NALCN: variants seen among roughly 807,000 people sequenced by gnomAD.
NALCN encodes the protein sodium leak channel, non-selective.
Under a neutral mutation model 225.3 loss-of-function variants are expected in NALCN, and 111 were observed. That is an observed-to-expected ratio of 0.49 (90% CI 0.42 to 0.58). The LOEUF is 0.58. Ranked by LOEUF, NALCN falls within the 20% of genes least tolerant of loss-of-function variation. The pLI is 0.00. For synonymous variants in NALCN, 764 were observed against 769.0 expected, an observed-to-expected ratio of 0.99 and a Z score of 0.11; for missense variants, 1,378 against 2,202.4, an observed-to-expected ratio of 0.63 and a Z score of 7.49.
intron 9 of NALCN, among the ~76,000 whole-genome samples, chr13:101,289,355 G>C (rs1336947249): frequency 2.6e-5 from 4 of 152,046 alleles, no homozygotes; most frequent in African/African-American, 9.7e-5. Context: ...GCTGTGTCTT[G>C]GAGGCATTTG....
intron 13 of NALCN, among the ~76,000 whole-genome samples, chr13:101,197,099 A>G (rs1427914469): frequency 2.0e-5 from 3 of 152,192 alleles, no homozygotes; most frequent in Non-Finnish European, 4.4e-5. Context: ...CTCTGGAACA[A>G]GTGGCTTCTA....
rs190788505 is a variant in NALCN at position 101,337,377 on chromosome 13, C to T, written c.799+7889G>A. ...AGGCTGGAGTTCAGTGGCTCAATCT[C>T]GGCTTACTGTAACCTCTGCCTCCCA... On this transcript the variant is annotated intron_variant, in intron 7 of 43. Coordinates refer to ENST00000251127, the MANE Select transcript of NALCN (RefSeq NM_052867.4). Among the ~76,000 whole-genome samples the T allele has an allele frequency of 2.9e-3, 447 of 151,870 alleles. 2 individuals carry two copies. Among genetic ancestry groups the T allele is most frequent in the African/African-American group, 0.01 (419 of 41,430 alleles).
intron 7 of NALCN, among the ~76,000 whole-genome samples, chr13:101,328,902 C>T (rs1279103968): frequency 6.6e-6 from 1 of 152,178 alleles, no homozygotes; most frequent in Non-Finnish European, 1.5e-5. Flanking sequence ...AGAATACTCA[C>T]TATTGTAGCT....
intron 41 of NALCN, among the ~76,000 whole-genome samples, chr13:101,061,110 T>G (rs1292180896): frequency 1.3e-5 from 2 of 152,230 alleles, no homozygotes; most frequent in African/African-American, 4.8e-5. Context: ...TAAAAGTAAT[T>G]ATCTCATAGA....
intron 15 of NALCN, among the ~76,000 whole-genome samples, chr13:101,149,076 G>A (rs1432882255): frequency 2.6e-5 from 4 of 152,128 alleles, no homozygotes; most frequent in South Asian, 2.1e-4. Context: ...GGCGGATCAC[G>A]AGGTAAGGAG....
At chr13:101,251,843 T>C (rs1015802498) in intron 11 of NALCN, among the ~76,000 whole-genome samples, 1 of 152,190 alleles carries the variant, frequency 6.6e-6, no homozygotes, top group Non-Finnish European at 1.5e-5. Flanking sequence ...AAGCTGTAAC[T>C]TCTCTCAGCG....
intron 27 of NALCN, 46 bp downstream of exon 27, chr13:101,100,738 C>T (rs112169110): frequency 2.6e-6 from 4 of 1,511,100 alleles, no homozygotes; most frequent in Non-Finnish European, 3.6e-6. Context: ...TGCCACCACA[C>T]TTGGCCCTTA....
intron 10 of NALCN, among the ~76,000 whole-genome samples, chr13:101,274,261 T>G (rs518452): frequency 1.3e-5 from 2 of 151,860 alleles, no homozygotes; most frequent in African/African-American, 2.4e-5. Flanking sequence ...AGCAAAACAA[T>G]CAAGCTCAAT....
intron 26 of NALCN, 58 bp downstream of exon 26, chr13:101,103,114 T>C (rs764702447): frequency 6.5e-5 from 101 of 1,561,696 alleles, no homozygotes; most frequent in Non-Finnish European, 8.0e-5. Flanking sequence ...TTTTCCCTCA[T>C]TAGCTGCATT....
chr13:101,291,102 G>A (rs2043535875), intron 9 of NALCN, among the ~76,000 whole-genome samples: 1 of 152,080 alleles, frequency 6.6e-6, no homozygotes, highest in African/African-American at 2.4e-5. Flanking sequence ...AAATTCTCAG[G>A]AGCCTTATGG....
At chr13:101,253,362 T>C (rs985933921) in intron 11 of NALCN, among the ~76,000 whole-genome samples, 1 of 152,194 alleles carries the variant, frequency 6.6e-6, no homozygotes, top group African/African-American at 2.4e-5. Flanking sequence ...AATAATTTAT[T>C]CTGGAATATG....
chr13:101,080,607 A>G (rs1456913372), intron 34 of NALCN, among the ~76,000 whole-genome samples: 3 of 119,582 alleles, frequency 2.5e-5, no homozygotes, highest in Non-Finnish European at 1.8e-5. Context: ...TAAATTAATT[A>G]TATAATCAAT....
chr13:101,283,508 T>A (rs970443600), intron 10 of NALCN, among the ~76,000 whole-genome samples: 1 of 152,174 alleles, frequency 6.6e-6, no homozygotes, highest in African/African-American at 2.4e-5. Flanking sequence ...AAGAAACACC[T>A]CTACATTATG....
At chr13:101,255,251 A>C (rs12584249) in intron 11 of NALCN, among the ~76,000 whole-genome samples, 34,711 of 152,118 alleles carry the variant, frequency 0.23, 4,035 homozygotes, top group East Asian at 0.37. Flanking sequence ...TACAACATTC[A>C]ATTATTTGAC....
intron 10 of NALCN, among the ~76,000 whole-genome samples, chr13:101,275,073 C>G (rs2042926585): frequency 6.6e-6 from 1 of 152,172 alleles, no homozygotes; most frequent in Non-Finnish European, 1.5e-5. Context: ...CTCTTTCCTT[C>G]CATTTGCACT....
At chr13:101,334,370 A>AGGG (rs767424826) in intron 7 of NALCN, among the ~76,000 whole-genome samples, 1 of 134,016 alleles carries the variant, frequency 7.5e-6, no homozygotes, top group African/African-American at 2.9e-5. Flanking sequence ...GGGTAGGGGG[A>AGGG]GCGGTAGGAG....
intron 1 of NALCN, among the ~76,000 whole-genome samples, chr13:101,415,664 C>T (rs928566907): frequency 2.0e-5 from 3 of 152,198 alleles, no homozygotes; most frequent in Admixed American, 6.5e-5. Context: ...GTTTTGCGTT[C>T]GGTGTAGCCA....
intron 13 of NALCN, among the ~76,000 whole-genome samples, chr13:101,224,695 T>C (rs1279999507): frequency 2.2e-4 from 33 of 152,170 alleles, no homozygotes; most frequent in Non-Finnish European, 1.5e-5. Context: ...GCCGACACCC[T>C]GTTCAGAGAT....
At chr13:101,203,998 C>T (rs1453247372) in intron 13 of NALCN, among the ~76,000 whole-genome samples, 1 of 152,142 alleles carries the variant, frequency 6.6e-6, no homozygotes, top group African/African-American at 2.4e-5. Context: ...TGCTCTATGT[C>T]GTAAGTCATC....
Sources: gnomAD v4.1 joint callset for allele counts (sites outside exome capture counted in the v4.1 genomes callset) on GRCh38, gnomAD v4.1.1 for gene constraint, MANE v1.5 for transcripts, NCBI Gene and HGNC (gene_info 2026-07-23, HGNC 2026-07-21) for gene names.